The following KIAA0753 variants were observed in gnomAD, a reference collection of about 807,000 sequenced individuals.
KIAA0753 encodes the protein protein moonraker.
A neutral mutation model predicts 116.9 loss-of-function variants in KIAA0753; 114 were observed. The ratio of observed to expected loss-of-function variants is 0.98; its 90% CI spans 0.84 to 1.14. The LOEUF (loss-of-function observed/expected upper bound fraction) is 1.14, where lower values mean the gene tolerates loss of function less well. KIAA0753 is among the 50% of genes most tolerant of loss of function. KIAA0753 has a pLI of 0.00. For missense variants in KIAA0753, 1,156 were observed against 1,172.4 expected (o/e 0.99, Z 0.20); for synonymous variants, 405 against 413.1 (o/e 0.98, Z 0.24).
At chr17:6,587,839 A>G (rs1968693767) in intron 18 of KIAA0753, among the ~76,000 whole-genome samples, 1 of 152,220 alleles carries the variant, frequency 6.6e-6, no homozygotes, top group South Asian at 2.1e-4. Context: ...ACATAAATCT[A>G]CAAAAAGAGA....
At chr17:6,608,492 GT>G in intron 9 of KIAA0753, 28 bp from the exon 10 acceptor site, 1 of 1,309,456 alleles carries the variant, frequency 7.6e-7, no homozygotes, top group Non-Finnish European at 1.1e-6. Flanking sequence ...GCATACCTTT[GT>G]CATCATTCAC....
chr17:6,588,981 G>A (rs1030870035), intron 18 of KIAA0753, among the ~76,000 whole-genome samples: 2 of 152,128 alleles, frequency 1.3e-5, no homozygotes, highest in African/African-American at 4.8e-5. Flanking sequence ...ACATGCCATG[G>A]TCATGGCTGT....
intron 7 of KIAA0753, among the ~76,000 whole-genome samples, chr17:6,619,433 C>CT (rs967732427): frequency 3.0e-4 from 45 of 147,856 alleles, no homozygotes; most frequent in South Asian, 1.3e-3. Flanking sequence ...GTAAGTTCTA[C>CT]TTTTTTTTTT....
At chr17:6,591,056 GAAGAAGAAGAA>G (rs762274467) in intron 16 of KIAA0753, among the ~76,000 whole-genome samples, 1,866 of 92,476 alleles carry the variant, frequency 0.02, 86 homozygotes, top group African/African-American at 0.048. Context: ...AGAAGAAGAA[GAAGAAGAAGAA>G]GAAGAAGAAG....
In KIAA0753 at chr17:6,628,700, G is replaced by A; in HGVS notation, c.135C>T (p.Ser45=). 6.2e-7 allele frequency: 1 copy of A among 1,612,952 alleles called. No homozygotes were observed. Among genetic ancestry groups the A allele is most frequent in the Non-Finnish European group, 8.5e-7 (1 of 1,179,528 alleles). The change falls in exon 3 of 19, where the codon AGC becomes AGT. Residue 45 remains serine, a synonymous_variant. Transcript: ENST00000361413. ...GGCAAGAATATCGGATCGCCAAGTT[G>A]CTTGAATGTGTAGGAACATTCCTAT... ...QFNRNVPTHS[S]NLAIRYSCPH...
chr17:6,601,448 C>A (rs1969868198), intron 12 of KIAA0753, among the ~76,000 whole-genome samples: 1 of 152,144 alleles, frequency 6.6e-6, no homozygotes, highest in Non-Finnish European at 1.5e-5. Context: ...TCCTAGGAAG[C>A]AACATCCTGA....
chr17:6,600,732 T>C (rs1969810863), intron 12 of KIAA0753, among the ~76,000 whole-genome samples: 1 of 152,120 alleles, frequency 6.6e-6, no homozygotes, highest in Admixed American at 6.5e-5. Context: ...TTAGGTAACA[T>C]CTGAAGTGTG....
intron 16 of KIAA0753, 98 bp downstream of exon 16, chr17:6,594,874 G>T (rs967667262): frequency 1.5e-5 from 12 of 808,860 alleles, no homozygotes; most frequent in Non-Finnish European, 2.3e-5. Flanking sequence ...TCTAGAAGGT[G>T]AGTATAGCAG....
intron 12 of KIAA0753, among the ~76,000 whole-genome samples, chr17:6,603,621 A>C (rs565122803): frequency 2.0e-5 from 3 of 152,358 alleles, no homozygotes; most frequent in African/African-American, 7.2e-5. Flanking sequence ...GAGAAGGCAC[A>C]TCACCTAGGG....
intron 12 of KIAA0753, among the ~76,000 whole-genome samples, chr17:6,604,692 G>C (rs568935766): frequency 3.3e-5 from 5 of 151,896 alleles, no homozygotes; most frequent in South Asian, 2.1e-4. Context: ...GGGCTCCTTG[G>C]GGGTGGGAAG....
chr17:6,606,031 T>C (rs1178743731), intron 12 of KIAA0753, among the ~76,000 whole-genome samples: 1 of 152,150 alleles, frequency 6.6e-6, no homozygotes, highest in African/African-American at 2.4e-5. Flanking sequence ...CCATGAAATG[T>C]ATTCCCTCTG....
chr17:6,591,040 G>GGAAGAAGAAGAA (rs71157205), intron 16 of KIAA0753, among the ~76,000 whole-genome samples: 81 of 100,046 alleles, frequency 8.1e-4, no homozygotes, highest in East Asian at 1.9e-3. Flanking sequence ...GAAGGAAGAA[G>GGAAGAAGAAGAA]GAAGAAGAAG....
intron 7 of KIAA0753, among the ~76,000 whole-genome samples, chr17:6,615,847 G>C (rs1158646990): frequency 2.0e-5 from 3 of 152,008 alleles, no homozygotes; most frequent in Non-Finnish European, 2.9e-5. Context: ...ACCAATTTAA[G>C]AACAGTTCAG....
At chr17:6,638,499 C>T (rs932501815) in intron 1 of KIAA0753, 1 of 155,252 alleles carries the variant, frequency 6.4e-6, no homozygotes, top group Non-Finnish European at 1.4e-5. Flanking sequence ...CAGACACCCC[C>T]ACAGCCTGCC....
rs761626040 is a variant in KIAA0753 at position 6,606,864 on chromosome 17, A to G, written c.2009+9T>C. ...CATCCACTATTCTTCCTAAGAAGCA[A>G]ACACATACCTCAATTGTTGGAGTCT... On this transcript the variant is annotated intron_variant, in intron 12 of 18. Coordinates refer to ENST00000361413, the MANE Select transcript of KIAA0753 (RefSeq NM_014804.3). 1.9e-5 allele frequency: 30 copies of G among 1,611,208 alleles called. No individual in the cohort carries two copies. The highest frequency in any genetic ancestry group is 2.5e-5 in the Non-Finnish European group (30 of 1,177,338).
chr17:6,622,920 C>T lies in KIAA0753; in HGVS notation c.1066G>A (p.Val356Ile), dbSNP rs1343747001. The change falls in exon 6 of 19, where the codon GTT becomes ATT. Residue 356 changes from valine to isoleucine, a missense_variant. Val to Ile is a conservative substitution (Grantham distance 29). Coordinates refer to ENST00000361413, the MANE Select transcript of KIAA0753 (RefSeq NM_014804.3). ...AGAATATCTATAACCACATCAGGAA[C>T]AGAAGGGTCTGCATCCAGCTTGACA... Reference protein sequence around the residue: ...CSVKLDADPSVPDVVIDILQQ... With the variant: ...CSVKLDADPSIPDVVIDILQQ... The T allele has an allele frequency of 1.9e-6, 3 of 1,614,004 alleles. No homozygotes were observed. Among genetic ancestry groups the T allele is most frequent in the African/African-American group, 2.7e-5 (2 of 74,898 alleles).
At chr17:6,629,832 A>T (rs1006338430) in intron 2 of KIAA0753, among the ~76,000 whole-genome samples, 1 of 152,228 alleles carries the variant, frequency 6.6e-6, no homozygotes, top group African/African-American at 2.4e-5. Flanking sequence ...GTAGTTAGAA[A>T]GCTCACTAAA....
Position 6,610,072 on chromosome 17 carries a change from A to G in KIAA0753, c.1634T>C (p.Met545Thr), listed in dbSNP as rs773714984. 10 of 1,613,982 alleles carry G rather than the reference A, an allele frequency of 6.2e-6. No homozygotes were observed. Among genetic ancestry groups the G allele is most frequent in the Non-Finnish European group, 8.5e-6 (10 of 1,180,016 alleles). Residue 545 changes from methionine to threonine, a missense_variant, in exon 9 of 19, where the codon ATG (methionine) becomes ACG (threonine). Coordinates refer to ENST00000361413, the MANE Select transcript of KIAA0753 (RefSeq NM_014804.3). The part of the protein sequence containing the change: ...QQTTVSSRLK[M>T]NRQPVKDRKA... The stretch of plus-strand genomic sequence containing the variant: ...GCGGTCTTTCACAGGCTGCCGGTTC[A>G]TTTTTAATCTGGATGAAACTGTTGT...
intron 9 of KIAA0753, 85 bp downstream of exon 9, chr17:6,609,909 G>T: frequency 5.6e-6 from 8 of 1,429,330 alleles, no homozygotes; most frequent in Non-Finnish European, 6.7e-6. Flanking sequence ...TACTTAATTT[G>T]CTCCTTATAA....
Sources: gnomAD v4.1 joint callset for allele counts (sites outside exome capture counted in the v4.1 genomes callset) on GRCh38, gnomAD v4.1.1 for gene constraint, MANE v1.5 for transcripts, NCBI Gene and HGNC (gene_info 2026-07-23, HGNC 2026-07-21) for gene names.